The following SGIP1 variants were observed in gnomAD, a reference collection of about 807,000 sequenced individuals.
SGIP1 encodes the protein SH3GL interacting endocytic adaptor 1, also known as SH3-containing GRB2-like protein 3-interacting protein 1.
In SGIP1, 38 loss-of-function variants were observed where a neutral mutation model predicts 107.5. The ratio of observed to expected loss-of-function variants is 0.35; its 90% CI spans 0.27 to 0.46. The LOEUF is 0.46. SGIP1 is among the 20% of genes least tolerant of loss of function. SGIP1 has a pLI of 1.00. For synonymous variants in SGIP1, 365 were observed against 366.1 expected (o/e 1.00, Z 0.03); for missense variants, 929 against 1,019.5 (o/e 0.91, Z 1.21).
At chr1:66,733,567 C>A (rs1308027257) in intron 20 of SGIP1, among the ~76,000 whole-genome samples, 181 bp from the exon 21 acceptor site, 1 of 152,138 alleles carries the variant, frequency 6.6e-6, no homozygotes, top group Non-Finnish European at 1.5e-5. Context: ...TCTACCAACA[C>A]CATAGCATTC....
chr1:66,642,699 T>G, intron 5 of SGIP1, 111 bp from the exon 6 acceptor site: 2 of 820,422 alleles, frequency 2.4e-6, no homozygotes, highest in Non-Finnish European at 3.7e-6. Context: ...AAACTTCATC[T>G]CCTAAAAGAA....
chr1:66,668,707 C>G (rs1213736771), intron 9 of SGIP1, among the ~76,000 whole-genome samples: 2 of 152,188 alleles, frequency 1.3e-5, no homozygotes, highest in African/African-American at 4.8e-5. Context: ...AACTACATAG[C>G]TAATGCCATT....
At chr1:66,579,227 A>G (rs2061488688) in intron 1 of SGIP1, among the ~76,000 whole-genome samples, 1 of 152,144 alleles carries the variant, frequency 6.6e-6, no homozygotes, top group Non-Finnish European at 1.5e-5. Context: ...CTACCATGTC[A>G]GTACCCAACA....
At chr1:66,584,170 A>T (rs2062213111) in intron 1 of SGIP1, among the ~76,000 whole-genome samples, 1 of 151,990 alleles carries the variant, frequency 6.6e-6, no homozygotes, top group African/African-American at 2.4e-5. Context: ...GAATTTATGA[A>T]TTGTATCTCA....
intron 2 of SGIP1, among the ~76,000 whole-genome samples, chr1:66,631,095 G>GAAAA (rs1448514058): frequency 3.3e-4 from 45 of 136,454 alleles, no homozygotes; most frequent in Non-Finnish European, 6.1e-4. Flanking sequence ...AAGAAAGAAA[G>GAAAA]AAAGAAAAAA....
chr1:66,533,914 G>C (rs2052948637), upstream of SGIP1, among the ~76,000 whole-genome samples: 1 of 151,982 alleles, frequency 6.6e-6, no homozygotes, highest in Non-Finnish European at 1.5e-5. Context: ...ACGACGAGGA[G>C]GGGCGGGGGA....
intron 2 of SGIP1, among the ~76,000 whole-genome samples, chr1:66,630,833 A>G (rs866936735): frequency 0.058 from 656 of 11,280 alleles, 37 homozygotes; most frequent in African/African-American, 0.24. Context: ...GAAAGAAAGA[A>G]AGAAAGAAAG....
intron 7 of SGIP1, among the ~76,000 whole-genome samples, chr1:66,645,260 G>A (rs2077465891): frequency 6.6e-6 from 1 of 152,170 alleles, no homozygotes; most frequent in African/African-American, 2.4e-5. Context: ...CATAGTGGAT[G>A]TTTGCCGGAA....
intron 24 of SGIP1, among the ~76,000 whole-genome samples, chr1:66,742,040 A>G (rs1000092183): frequency 2.6e-5 from 4 of 152,230 alleles, no homozygotes; most frequent in African/African-American, 9.6e-5. Context: ...TACTAAGATT[A>G]TAGGCGGTGA....
intron 7 of SGIP1, 48 bp downstream of exon 7, chr1:66,643,767 G>C: frequency 6.6e-7 from 1 of 1,520,588 alleles, no homozygotes; most frequent in African/African-American, 1.4e-5. Flanking sequence ...ATTGAACAGG[G>C]CTATGTTCTG....
intron 24 of SGIP1, among the ~76,000 whole-genome samples, chr1:66,742,456 CTTTCTTTT>C (rs2094477615): frequency 1.6e-5 from 1 of 64,136 alleles, no homozygotes; most frequent in South Asian, 4.3e-4. Flanking sequence ...TATGAGCACC[CTTTCTTTT>C]TTTTTTTTTT....
chr1:66,731,748 C>T (rs1373430806), intron 20 of SGIP1, among the ~76,000 whole-genome samples: 1 of 152,126 alleles, frequency 6.6e-6, no homozygotes, highest in African/African-American at 2.4e-5. Flanking sequence ...GCAGTACCAG[C>T]CTTTAGTGTC....
chr1:66,642,527 G>A (rs1329206873), intron 5 of SGIP1, among the ~76,000 whole-genome samples: 3 of 152,056 alleles, frequency 2.0e-5, no homozygotes, highest in Admixed American at 6.6e-5. Flanking sequence ...ATGTTGCTTA[G>A]CACAGTCCTT....
At chr1:66,616,221 G>T (rs2069267091) in intron 1 of SGIP1, 1 of 152,096 alleles carries the variant, frequency 6.6e-6, no homozygotes, top group African/African-American at 2.4e-5. Context: ...ACAAAGAAAA[G>T]CTTGAGGTTT....
intron 21 of SGIP1, among the ~76,000 whole-genome samples, chr1:66,736,112 A>G (rs2094221739): frequency 6.8e-6 from 1 of 147,980 alleles, no homozygotes; most frequent in Admixed American, 6.8e-5. Flanking sequence ...ATATTTACAT[A>G]TACAACCTAG....
intron 1 of SGIP1, chr1:66,616,244 TATTTTCAAATTTTGATG>T (rs1375943791): frequency 1.3e-5 from 2 of 152,224 alleles, no homozygotes; most frequent in Admixed American, 1.3e-4. Flanking sequence ...AAATTTTGAT[TATTTTCAAATTTTGATG>T]ATTTTCAAAT....
At chr1:66,719,676 T>G (rs1235947550) in intron 19 of SGIP1, among the ~76,000 whole-genome samples, 1 of 152,186 alleles carries the variant, frequency 6.6e-6, no homozygotes, top group Non-Finnish European at 1.5e-5. Flanking sequence ...AATCTTTGAT[T>G]CCGCTTTGGT....
intron 1 of SGIP1, among the ~76,000 whole-genome samples, chr1:66,561,567 C>T (rs1198346261): frequency 1.3e-5 from 2 of 152,020 alleles, no homozygotes; most frequent in Admixed American, 6.6e-5. Context: ...AGAGCACTCT[C>T]ATATTGAACT....
At chr1:66,552,620 T>C (rs148711835) in intron 1 of SGIP1, among the ~76,000 whole-genome samples, 4 of 152,260 alleles carry the variant, frequency 2.6e-5, no homozygotes, top group Admixed American at 2.6e-4. Flanking sequence ...ACTCCACTAT[T>C]TTGGCTAATT....
Sources: gnomAD v4.1 joint callset for allele counts (sites outside exome capture counted in the v4.1 genomes callset) on GRCh38, gnomAD v4.1.1 for gene constraint, MANE v1.5 for transcripts, NCBI Gene and HGNC (gene_info 2026-07-23, HGNC 2026-07-21) for gene names.